CIB4: variants seen among roughly 807,000 people sequenced by gnomAD.
CIB4 encodes calcium and integrin-binding family member 4.
CIB4 carries 25 observed loss-of-function variants against 25.8 expected under a neutral mutation model. The observed-to-expected ratio is 0.97, with a 90% CI of 0.71 to 1.35. The LOEUF (loss-of-function observed/expected upper bound fraction) is 1.35. Among genes scored for constraint, CIB4 ranks in the 40% most tolerant of loss-of-function variants. CIB4 has a pLI of 0.00. For missense variants in CIB4, 235 were observed against 228.2 expected, an observed-to-expected ratio of 1.03 and a Z score of -0.19; for synonymous variants, 75 against 81.4, an observed-to-expected ratio of 0.92 and a Z score of 0.42.
At chr2:26,581,764 G>A (rs1037160452) in intron 6 of CIB4, among the ~76,000 whole-genome samples, 1 of 152,220 alleles carries the variant, frequency 6.6e-6, no homozygotes, top group East Asian at 1.9e-4. Context: ...TCCTTAGAGA[G>A]GGGCCACCCA....
chr2:26,597,103 T>G (rs1027001803), intron 3 of CIB4, among the ~76,000 whole-genome samples: 4 of 152,222 alleles, frequency 2.6e-5, no homozygotes, highest in African/African-American at 9.7e-5. Context: ...AATGGGATTT[T>G]TTGTGGTTAA....
intron 2 of CIB4, 75 bp from the exon 3 acceptor site, chr2:26,629,581 G>A: frequency 2.0e-6 from 2 of 997,758 alleles, no homozygotes; most frequent in Non-Finnish European, 3.1e-6. Flanking sequence ...AAGGAGGCCA[G>A]CAAGCCTGTC....
chr2:26,616,499 A>G (rs1662978), intron 3 of CIB4, among the ~76,000 whole-genome samples: 103,666 of 152,084 alleles, frequency 0.68, 35,589 homozygotes, highest in African/African-American at 0.75. Flanking sequence ...TGGGCACTAA[A>G]GGTGGGGCCT....
chr2:26,589,158 C>G (rs1166298753), intron 4 of CIB4, among the ~76,000 whole-genome samples: 2 of 134,078 alleles, frequency 1.5e-5, no homozygotes, highest in African/African-American at 5.9e-5. Context: ...CCTTCCCCTT[C>G]CCCTTCTCCT....
rs1446677934 is a variant in CIB4 at position 26,591,662 on chromosome 2, T to G, written c.328+3514A>C. On this transcript the variant is annotated intron_variant, in intron 4 of 6. Coordinates refer to ENST00000288861, the MANE Select transcript of CIB4 (RefSeq NM_001029881.3). ...GTGTGGGTGGGAACTGTGACTTGCT[T>G]GTAACCAATGGAACTTGGCAAAAGT... Among the ~76,000 whole-genome samples, 3 of 152,208 alleles carry G rather than the reference T, an allele frequency of 2.0e-5. No homozygotes were observed. In the East Asian group the frequency reaches 5.8e-4, roughly 29 times the overall value.
intron 3 of CIB4, among the ~76,000 whole-genome samples, chr2:26,608,029 G>A (rs1668925056): frequency 6.6e-6 from 1 of 152,238 alleles, no homozygotes; most frequent in Non-Finnish European, 1.5e-5. Flanking sequence ...CCTGAAGTCA[G>A]GAGTTCAAGG....
In CIB4 at chr2:26,581,358, C is replaced by T; in HGVS notation, c.*5G>A. ...AGGCTGCCATGTCAGGTGTTTGCCG[C>T]TACATCAGCATCCCCAGAAGTGAAT... is the stretch of plus-strand genomic sequence containing the variant. On this transcript the variant is annotated 3_prime_UTR_variant, in exon 7 of 7. Coordinates refer to ENST00000288861, the MANE Select transcript of CIB4 (RefSeq NM_001029881.3). 2 of 1,613,370 alleles carry T rather than the reference C, an allele frequency of 1.2e-6. No homozygotes were observed. The highest frequency in any genetic ancestry group is 8.5e-7 in the Non-Finnish European group (1 of 1,179,426).
chr2:26,594,892 C>T (rs1456886006), intron 4 of CIB4, among the ~76,000 whole-genome samples: 1 of 150,946 alleles, frequency 6.6e-6, no homozygotes. Context: ...ATATGTGATT[C>T]TCTCTCTCTC....
chr2:26,581,245 A>C lies in CIB4; in HGVS notation c.*118T>G. 1.3e-6 allele frequency: 1 copy of C among 785,802 alleles called. No homozygotes were observed. The highest frequency in any genetic ancestry group is 2.2e-5 in the Admixed American group (1 of 45,660). The allele number at this position is 785,802 out of a possible 1,614,324, so 48.7% of individuals were successfully genotyped here. On this transcript the variant is annotated 3_prime_UTR_variant, in exon 7 of 7. Transcript: ENST00000288861. ...TCTTTTATCTAATAAACAATATTCTAGAGGTGAGTGTGGGCCCAGTACAAA... is the reference window on the plus strand; with the variant it reads ...TCTTTTATCTAATAAACAATATTCTCGAGGTGAGTGTGGGCCCAGTACAAA...
intron 5 of CIB4, among the ~76,000 whole-genome samples, chr2:26,583,566 G>A (rs1236765551): frequency 6.6e-6 from 1 of 152,122 alleles, no homozygotes. Context: ...GAAAGTGGAG[G>A]GGCAGTTGCC....
chr2:26,600,999 T>C lies in CIB4; in HGVS notation c.187-5682A>G, dbSNP rs113014207. 1.6e-3 allele frequency among the ~76,000 whole-genome samples: 245 copies of C among 151,868 alleles called. 2 individuals are homozygous for C. The highest frequency in any genetic ancestry group is 5.6e-3 in the African/African-American group (233 of 41,374). ...ACTTTGGGAGGCTAAAGGGTGAGGA[T>C]TGCTTCAGTCCAGAGTCTGAGACCA... On this transcript the variant is annotated intron_variant, in intron 3 of 6. Transcript: ENST00000288861.
chr2:26,640,499 G>C (rs764210062), intron 2 of CIB4, 34 bp downstream of exon 2: 1 of 1,609,752 alleles, frequency 6.2e-7, no homozygotes, highest in African/African-American at 1.3e-5. Flanking sequence ...GGGAGGAGCT[G>C]GGAGAAGGAA....
At position 26,581,354 on chromosome 2, in the gene CIB4, G is replaced by A. The variant is rs1369997059; in HGVS notation, c.*9C>T. The A allele has an allele frequency of 2.5e-6, 4 of 1,612,732 alleles. No homozygotes were observed. The highest frequency in any genetic ancestry group is 2.2e-5 in the East Asian group (1 of 44,836). On this transcript the variant is annotated 3_prime_UTR_variant, in exon 7 of 7. Coordinates refer to ENST00000288861, the MANE Select transcript of CIB4 (RefSeq NM_001029881.3). Reference sequence around the variant, plus strand: ...CTCGAGGCTGCCATGTCAGGTGTTTGCCGCTACATCAGCATCCCCAGAAGT... The same window carrying A: ...CTCGAGGCTGCCATGTCAGGTGTTTACCGCTACATCAGCATCCCCAGAAGT...
intron 2 of CIB4, among the ~76,000 whole-genome samples, chr2:26,630,277 GGTCCCT>G (rs1280812613): frequency 2.0e-5 from 3 of 152,082 alleles, no homozygotes; most frequent in African/African-American, 7.2e-5. Context: ...CCTGAACCTG[GGTCCCT>G]GTCCACCAGC....
intron 5 of CIB4, among the ~76,000 whole-genome samples, chr2:26,583,218 C>T (rs543831969): frequency 6.6e-6 from 1 of 152,314 alleles, no homozygotes; most frequent in East Asian, 1.9e-4. Context: ...GGGGCCCAGG[C>T]AGGCAGGGAG....
intron 3 of CIB4, chr2:26,623,593 C>T (rs556948068): frequency 3.4e-5 from 16 of 470,982 alleles, no homozygotes; most frequent in South Asian, 2.5e-4. Flanking sequence ...ACCTTAGGGG[C>T]CATCCTGACC....
intron 4 of CIB4, among the ~76,000 whole-genome samples, chr2:26,584,391 C>T (rs148375250): frequency 3.8e-4 from 58 of 152,224 alleles, no homozygotes; most frequent in Non-Finnish European, 7.4e-4. Flanking sequence ...TGGCCTGGAT[C>T]TGAAGTCAGA....
chr2:26,605,505 C>T (rs1277345277), intron 3 of CIB4: 1 of 471,032 alleles, frequency 2.1e-6, no homozygotes. Context: ...GACTCACCTG[C>T]GAACAGGGGA....
chr2:26,641,189 A>C (rs899093560), intron 1 of CIB4, 72 bp downstream of exon 1: 1 of 1,316,602 alleles, frequency 7.6e-7, no homozygotes, highest in African/African-American at 1.5e-5. Context: ...TCAGGAAGGA[A>C]TTTTCCCATT....
Sources: gnomAD v4.1 joint callset for allele counts (sites outside exome capture counted in the v4.1 genomes callset) on GRCh38, gnomAD v4.1.1 for gene constraint, MANE v1.5 for transcripts, NCBI Gene and HGNC (gene_info 2026-07-23, HGNC 2026-07-21) for gene names.